The following DGKB variants were observed in gnomAD, a reference collection of about 807,000 sequenced individuals.
DGKB encodes the protein 90 kDa diacylglycerol kinase.
Under a neutral mutation model 114.3 loss-of-function variants are expected in DGKB, and 67 were observed. That is an observed-to-expected ratio of 0.59 (90% CI 0.48 to 0.72). DGKB has a LOEUF of 0.72. Among genes scored for constraint, DGKB ranks in the 30% least tolerant of loss-of-function variants. The pLI is 0.00. For missense variants in DGKB, 907 were observed against 975.2 expected, an observed-to-expected ratio of 0.93 and a Z score of 0.93; for synonymous variants, 398 against 323.1, an observed-to-expected ratio of 1.23 and a Z score of -2.49.
chr7:14,743,706 G>A (rs1447618931), intron 4 of DGKB, among the ~76,000 whole-genome samples: 1 of 152,136 alleles, frequency 6.6e-6, no homozygotes, highest in East Asian at 1.9e-4. Context: ...ATGTTTGAGT[G>A]TATGCTATCA....
Position 14,203,068 on chromosome 7 carries a change from T to A in DGKB, c.2123-24917A>T, listed in dbSNP as rs1381132945. On this transcript the variant is annotated intron_variant, in intron 23 of 25. Coordinates refer to ENST00000402815, the MANE Select transcript of DGKB (RefSeq NM_001350709.2). ...CAATTAAGCGATTCAGTCAACATTTTAAAAAAAGGTGCAAATGTGTGCAAC... is the reference window on the plus strand; with the variant it reads ...CAATTAAGCGATTCAGTCAACATTTAAAAAAAAGGTGCAAATGTGTGCAAC... Among the ~76,000 whole-genome samples the A allele has an allele frequency of 2.1e-5, 3 of 141,090 alleles. No homozygotes were observed. The East Asian group carries it at 6.2e-4, about 29-fold the overall frequency. 92.6% of individuals were successfully genotyped at this position (141,090 alleles called of 152,430 possible).
At chr7:14,805,826 G>C (rs182822111) in intron 2 of DGKB, among the ~76,000 whole-genome samples, 2 of 151,306 alleles carry the variant, frequency 1.3e-5, no homozygotes, top group Admixed American at 1.3e-4. Context: ...CTTCCATATA[G>C]AGTAATTTTA....
intron 2 of DGKB, among the ~76,000 whole-genome samples, chr7:14,804,073 GT>G (rs1842509671): frequency 6.9e-6 from 1 of 144,692 alleles, no homozygotes. Flanking sequence ...CTTTTTGGGT[GT>G]GTGTGTGTGT....
At chr7:14,758,553 G>GA (rs896161993) in intron 2 of DGKB, among the ~76,000 whole-genome samples, 35 of 152,112 alleles carry the variant, frequency 2.3e-4, no homozygotes, top group African/African-American at 7.9e-4. Context: ...GAATAATAAT[G>GA]AAAAAACCTC....
At chr7:14,381,590 G>A (rs1819482772) in intron 21 of DGKB, among the ~76,000 whole-genome samples, 1 of 152,164 alleles carries the variant, frequency 6.6e-6, no homozygotes, top group Non-Finnish European at 1.5e-5. Context: ...GGTAGAAATA[G>A]TTGTCTTCCC....
chr7:14,367,538 CT>C, intron 21 of DGKB, among the ~76,000 whole-genome samples: 1 of 151,986 alleles, frequency 6.6e-6, no homozygotes, highest in Admixed American at 6.6e-5. Flanking sequence ...AACCTCTTTC[CT>C]TTGTAAATTA....
intron 2 of DGKB, among the ~76,000 whole-genome samples, chr7:14,825,758 G>A (rs772941197): frequency 1.3e-5 from 2 of 152,036 alleles, no homozygotes; most frequent in South Asian, 2.1e-4. Context: ...CCATAAATAC[G>A]TTAGAAAAAG....
chr7:14,867,752 T>C (rs1260003993), intron 1 of DGKB, among the ~76,000 whole-genome samples: 2 of 152,206 alleles, frequency 1.3e-5, no homozygotes, highest in East Asian at 3.8e-4. Flanking sequence ...AGAGCGCTCT[T>C]TATAAATATA....
chr7:14,957,681 C>T (rs1156570583), intron 1 of DGKB, among the ~76,000 whole-genome samples: 1 of 151,998 alleles, frequency 6.6e-6, no homozygotes, highest in Admixed American at 6.6e-5. Context: ...CAATGTGTAA[C>T]CATGCCTATG....
intron 21 of DGKB, among the ~76,000 whole-genome samples, chr7:14,474,261 G>C (rs889345040): frequency 6.6e-6 from 1 of 152,044 alleles, no homozygotes; most frequent in Non-Finnish European, 1.5e-5. Context: ...GGTTCTACAC[G>C]GGGGAGTTTC....
chr7:14,170,150 AAAGAAAGAAAGAAAG>A lies in DGKB; in HGVS notation c.2304+6674_2304+6688del, dbSNP rs1562523281. On this transcript the variant is annotated intron_variant, in intron 25 of 25. Coordinates refer to ENST00000402815, the MANE Select transcript of DGKB (RefSeq NM_001350709.2). ...ACTCCATCTCAAAAAAAAAAAAAAG[AAAGAAAGAAAGAAAG>A]AAAGAAAGAAAGAAAGAAAGAAAGA... is the stretch of plus-strand genomic sequence containing the variant. Among the ~76,000 whole-genome samples, 42 of 29,848 alleles carry A rather than the reference AAAGAAAGAAAGAAAG, an allele frequency of 1.4e-3. 2 individuals carry two copies. The highest frequency in any genetic ancestry group is 5.7e-3 in the African/African-American group (14 of 2,454). 19.6% of individuals were successfully genotyped at this position (29,848 alleles called of 152,430 possible). A position where few individuals can be genotyped will look rare whatever the true frequency, so the allele number is the denominator to read the frequency against.
At chr7:14,708,995 C>T (rs920051259) in intron 6 of DGKB, among the ~76,000 whole-genome samples, 7 of 149,690 alleles carry the variant, frequency 4.7e-5, no homozygotes, top group African/African-American at 1.7e-4. Flanking sequence ...AGCTTCTGCA[C>T]AGCAAAAGAA....
At chr7:14,671,395 A>C (rs1818940835) in intron 13 of DGKB, among the ~76,000 whole-genome samples, 2 of 152,162 alleles carry the variant, frequency 1.3e-5, no homozygotes, top group African/African-American at 2.4e-5. Context: ...GTAAACAACA[A>C]ATGCTGAGAT....
At chr7:14,559,984 C>G (rs186239855) in intron 20 of DGKB, among the ~76,000 whole-genome samples, 6 of 150,344 alleles carry the variant, frequency 4.0e-5, no homozygotes, top group African/African-American at 1.5e-4. Flanking sequence ...TTCCTTTTTG[C>G]CTTCCTCTCT....
intron 20 of DGKB, among the ~76,000 whole-genome samples, chr7:14,507,879 CTT>C (rs1322289359): frequency 6.6e-6 from 1 of 152,184 alleles, no homozygotes; most frequent in Non-Finnish European, 1.5e-5. Context: ...GGTCCAAACA[CTT>C]GTCCATCCTA....
At chr7:14,942,170 T>C (rs577292340) in intron 1 of DGKB, among the ~76,000 whole-genome samples, 5 of 152,054 alleles carry the variant, frequency 3.3e-5, no homozygotes, top group African/African-American at 1.2e-4. Context: ...TGGCCTCTCT[T>C]CCTCATTCCG....
At chr7:14,899,544 C>A (rs1434955566) in intron 1 of DGKB, among the ~76,000 whole-genome samples, 1 of 152,012 alleles carries the variant, frequency 6.6e-6, no homozygotes, top group African/African-American at 2.4e-5. Flanking sequence ...ATATGATTCC[C>A]TTATTTTCTT....
intron 21 of DGKB, among the ~76,000 whole-genome samples, chr7:14,459,241 A>G (rs565392409): frequency 3.1e-4 from 47 of 152,274 alleles, no homozygotes; most frequent in Admixed American, 1.0e-3. Context: ...TCCCTGGAGC[A>G]GAGCACCCGG....
intron 25 of DGKB, among the ~76,000 whole-genome samples, chr7:14,151,984 C>G (rs937769679): frequency 2.0e-5 from 3 of 151,982 alleles, no homozygotes; most frequent in Admixed American, 6.6e-5. Context: ...CTCTAGGAAG[C>G]TGCAGAGACT....
Sources: gnomAD v4.1 joint callset for allele counts (sites outside exome capture counted in the v4.1 genomes callset) on GRCh38, gnomAD v4.1.1 for gene constraint, MANE v1.5 for transcripts, NCBI Gene and HGNC (gene_info 2026-07-23, HGNC 2026-07-21) for gene names.